CATSPER2: variants seen among roughly 807,000 people sequenced by gnomAD.
CATSPER2 encodes the protein cation channel sperm associated 2, also known as cation channel sperm-associated protein 2.
In CATSPER2, 56 loss-of-function variants were observed where a neutral mutation model predicts 68.8. The observed-to-expected ratio is 0.81, with a 90% CI of 0.66 to 1.02. The LOEUF (loss-of-function observed/expected upper bound fraction) is 1.02. Ranked by LOEUF, CATSPER2 falls within the 50% of genes least tolerant of loss-of-function variation. The pLI is 0.00. For missense variants in CATSPER2, 582 were observed against 642.0 expected, an observed-to-expected ratio of 0.91 and a Z score of 1.01; for synonymous variants, 198 against 229.9, an observed-to-expected ratio of 0.86 and a Z score of 1.26.
chr15:43,635,434 A>G lies in CATSPER2; in HGVS notation c.1122-18T>C. ...TTTTTCTCCTGCAGAGCAAAAAAAA[A>G]AAAGAGCAAAGACAGTTATATTCAA... On this transcript the variant is annotated intron_variant, in intron 9 of 12. Transcript: ENST00000396879. 6 of 1,606,750 alleles carry G rather than the reference A, an allele frequency of 3.7e-6. No homozygotes were observed. The highest frequency in any genetic ancestry group is 4.2e-6 in the Non-Finnish European group (5 of 1,178,400).
rs2085953648 is a variant in CATSPER2, at chr15:43,635,798, C to G, written c.1050G>C (p.Glu350Asp). Residue 350 changes from glutamate to aspartate, a missense_variant, in exon 9 of 13, where the codon GAG becomes GAC. Coordinates refer to ENST00000396879, the MANE Select transcript of CATSPER2 (RefSeq NM_172095.4). ...MVTNFQNIRK[E>D]LNEEMARREV... The stretch of plus-strand genomic sequence containing the variant: ...CCCGACGCGCCATCTCCTCATTCAG[C>G]TCTTTCCTGATATTCTGAAAGTTAG... 2 of 1,613,530 alleles carry G rather than the reference C, an allele frequency of 1.2e-6. No individual in the cohort carries two copies. The highest frequency in any genetic ancestry group is 1.7e-6 in the Non-Finnish European group (2 of 1,179,796).
chr15:43,647,326 G>A lies in CATSPER2; in HGVS notation c.287C>T (p.Pro96Leu), dbSNP rs2086186678. 1.2e-6 allele frequency: 2 copies of A among 1,611,926 alleles called. No homozygotes were observed. The highest frequency in any genetic ancestry group is 2.7e-5 in the African/African-American group (2 of 74,782). Residue 96 changes from proline to leucine, a missense_variant, in exon 3 of 13, where the codon CCT becomes CTT. By Grantham distance (98) the Pro-to-Leu change is moderately conservative. This residue lies in a region of CATSPER2 where 197 missense variants were observed against 191.0 expected (regional missense o/e 1.03). Coordinates refer to ENST00000396879, the MANE Select transcript of CATSPER2 (RefSeq NM_172095.4). ...RLHVRCSQRPPLSLWAGWVLE... is the reference protein window; with the variant it reads ...RLHVRCSQRPLLSLWAGWVLE... ...GACCCATCCGGCCCACAAAGAAAGAGGTGGCCTCTGACTGCAGCGCACATG... is the reference window on the plus strand; with the variant it reads ...GACCCATCCGGCCCACAAAGAAAGAAGTGGCCTCTGACTGCAGCGCACATG...
At chr15:43,632,664 G>C in intron 11 of CATSPER2, 53 bp downstream of exon 11, 1 of 1,611,022 alleles carries the variant, frequency 6.2e-7, no homozygotes, top group East Asian at 2.2e-5. Context: ...ATGTCTTAAA[G>C]AGGAGTCTGA....
intron 11 of CATSPER2, 112 bp from the exon 12 acceptor site, chr15:43,632,475 G>A (rs2085891967): frequency 6.8e-7 from 1 of 1,466,936 alleles, no homozygotes; most frequent in African/African-American, 1.4e-5. Context: ...GTAACAGGAA[G>A]CAAGGAGGGA....
chr15:43,632,330 T>G lies in CATSPER2; in HGVS notation c.1430A>C (p.Asn477Thr), dbSNP rs2085888841. ...ATCCATTTCCATTAGCCCGGGCAGA[T>G]TTTCGTGCACAAGAGTCTCCCAGTC... ...RLDWETLVHE[N>T]LPGLMEMDQD... Residue 477 changes from asparagine (N) to threonine (T), a missense_variant, in exon 12 of 13, where the codon AAT becomes ACT. Asn to Thr is a moderately conservative substitution (Grantham distance 65). Transcript: ENST00000396879. 2 of 1,613,522 alleles carry G rather than the reference T, an allele frequency of 1.2e-6. No homozygotes were observed. Among genetic ancestry groups the G allele is most frequent in the Non-Finnish European group, 1.7e-6 (2 of 1,179,880 alleles).
chr15:43,644,644 G>A (rs1385081796), intron 4 of CATSPER2, among the ~76,000 whole-genome samples: 1 of 151,922 alleles, frequency 6.6e-6, no homozygotes, highest in Admixed American at 6.6e-5. Flanking sequence ...ATTCTCACAG[G>A]AGGGCGAGCC....
rs1435204088 is a variant in CATSPER2, at chr15:43,639,280, T to G, written c.718-252A>C. On this transcript the variant is annotated intron_variant, in intron 6 of 12. Transcript: ENST00000396879. ...TTTTTTTTTAGACGGAGTTTCACTC[T>G]GTCGCCTAGGCTAGAGTGCAGTGGC... The G allele has an allele frequency of 1.0e-5, 5 of 485,126 alleles. 1 individual carries two copies. Among genetic ancestry groups the G allele is most frequent in the African/African-American group, 9.8e-5 (5 of 50,784 alleles). 30.1% of individuals were successfully genotyped at this position (485,126 alleles called of 1,614,324 possible).
chr15:43,644,964 A>G (rs1207326000), intron 4 of CATSPER2, among the ~76,000 whole-genome samples: 1 of 152,060 alleles, frequency 6.6e-6, no homozygotes, highest in African/African-American at 2.4e-5. Flanking sequence ...TACGAGGAGG[A>G]AATAAAACAC....
At chr15:43,648,340 A>T in intron 1 of CATSPER2, among the ~76,000 whole-genome samples, 1 of 151,962 alleles carries the variant, frequency 6.6e-6, no homozygotes, top group East Asian at 1.9e-4. Context: ...CTCATTAAAA[A>T]CAAAACAAAA....
chr15:43,643,247 G>A (rs2086103319), intron 4 of CATSPER2, among the ~76,000 whole-genome samples: 2 of 151,930 alleles, frequency 1.3e-5, no homozygotes, highest in African/African-American at 4.8e-5. Flanking sequence ...GCAACAAACT[G>A]ATATGTAGAT....
intron 7 of CATSPER2, among the ~76,000 whole-genome samples, chr15:43,636,436 G>T (rs1404418044): frequency 6.6e-6 from 1 of 151,734 alleles, no homozygotes; most frequent in Admixed American, 6.6e-5. Context: ...TGTTGCCCAG[G>T]CTGGAGTGCA....
chr15:43,639,061 C>G (rs1216828409), intron 6 of CATSPER2, 33 bp from the exon 7 acceptor site: 1 of 1,608,818 alleles, frequency 6.2e-7, no homozygotes, highest in East Asian at 2.2e-5. Context: ...CAGATGTGGG[C>G]CAAACTAGGC....
At chr15:43,643,411 C>T (rs1567132056) in intron 4 of CATSPER2, among the ~76,000 whole-genome samples, 1 of 151,496 alleles carries the variant, frequency 6.6e-6, no homozygotes, top group East Asian at 1.9e-4. Flanking sequence ...CATCTCGGCT[C>T]ACTGCAAACT....
At chr15:43,645,617 T>C (rs2086150578) in intron 4 of CATSPER2, among the ~76,000 whole-genome samples, 1 of 151,560 alleles carries the variant, frequency 6.6e-6, no homozygotes, top group South Asian at 2.1e-4. Context: ...TGAGACCCTG[T>C]CTCTACAAAA....
Position 43,648,791 on chromosome 15 carries a change from A to G in CATSPER2, c.-165T>C. Reference sequence around the variant, plus strand: ...CCGCTCGACCCCCAGGTTTCGGCTCACCCCGGGACCCGGCCCTAGCCCCTA... The same window carrying G: ...CCGCTCGACCCCCAGGTTTCGGCTCGCCCCGGGACCCGGCCCTAGCCCCTA... On this transcript the variant is annotated 5_prime_UTR_variant, in exon 1 of 13. Transcript: ENST00000396879. 1.3e-6 allele frequency: 2 copies of G among 1,523,438 alleles called. No homozygotes were observed. Among genetic ancestry groups the G allele is most frequent in the South Asian group, 1.2e-5 (1 of 82,810 alleles). 94.4% of individuals were successfully genotyped at this position (1,523,438 alleles called of 1,614,324 possible). A position where few individuals can be genotyped will look rare whatever the true frequency, so the allele number is the denominator to read the frequency against.
At chr15:43,635,291 T>C in intron 10 of CATSPER2, 69 bp downstream of exon 10, 1 of 1,359,520 alleles carries the variant, frequency 7.4e-7, no homozygotes, top group Non-Finnish European at 1.0e-6. Context: ...AAAGCCAATC[T>C]TCATCTTTAG....
At position 43,640,224 on chromosome 15, in the gene CATSPER2, A is replaced by C. The variant is rs938385271; in HGVS notation, c.561+100T>G. 11 of 1,584,312 alleles carry C rather than the reference A, an allele frequency of 6.9e-6. 1 individual carries two copies. In the Admixed American group the frequency reaches 7.2e-5, roughly 10 times the overall value. On this transcript the variant is annotated intron_variant, in intron 5 of 12. Coordinates refer to ENST00000396879, the MANE Select transcript of CATSPER2 (RefSeq NM_172095.4). ...AAAATCAAAAGAAAGAAGTTAAGTA[A>C]ATTTTTGTTTCTTCCTATTATCATG...
intron 4 of CATSPER2, among the ~76,000 whole-genome samples, chr15:43,646,718 C>CTTTT (rs56230106): frequency 7.2e-6 from 1 of 138,644 alleles, no homozygotes; most frequent in Non-Finnish European, 1.6e-5. Flanking sequence ...TTTTCTTTTT[C>CTTTT]TTTTTTTTTT....
chr15:43,632,094 T>G lies in CATSPER2; in HGVS notation c.1561+105A>C, dbSNP rs1250097678. ...TGCCTATTTTAGTTGTAGGCAGAAA[T>G]TGAGAAGCTGAGATGCCAGAATAGT... On this transcript the variant is annotated intron_variant, in intron 12 of 12. Transcript: ENST00000396879. The G allele has an allele frequency of 1.9e-5, 25 of 1,296,272 alleles. 1 individual carries two copies. Among genetic ancestry groups the G allele is most frequent in the Middle Eastern group, 4.7e-4 (2 of 4,214 alleles). The allele number at this position is 1,296,272 out of a possible 1,614,324, so 80.3% of individuals were successfully genotyped here.
Sources: gnomAD v4.1 joint callset for allele counts (sites outside exome capture counted in the v4.1 genomes callset) on GRCh38, gnomAD v4.1.1 for gene constraint, gnomAD v4.1.1 regional missense constraint, MANE v1.5 for transcripts, NCBI Gene and HGNC (gene_info 2026-07-23, HGNC 2026-07-21) for gene names.